DCAF6: variants seen among roughly 807,000 people sequenced by gnomAD.
DCAF6 encodes the protein DDB1- and CUL4-associated factor 6.
DCAF6 carries 54 observed loss-of-function variants against 125.1 expected under a neutral mutation model. The observed-to-expected ratio is 0.43, with a 90% CI of 0.35 to 0.54. DCAF6 has a LOEUF of 0.54. DCAF6 is among the 20% of genes least tolerant of loss of function. The probability of loss-of-function intolerance (pLI) is 0.01; values close to 1 mark genes in which losing one functional copy is unlikely to be tolerated. For synonymous variants in DCAF6, 371 were observed against 390.4 expected (o/e 0.95, Z 0.58); for missense variants, 934 against 1,161.7 (o/e 0.80, Z 2.85).
chr1:167,979,175 A>G (rs1193219789), intron 4 of DCAF6, among the ~76,000 whole-genome samples: 1 of 152,094 alleles, frequency 6.6e-6, no homozygotes, highest in Non-Finnish European at 1.5e-5. Context: ...ACCCCATATG[A>G]AGTTTTTTGT....
At chr1:168,038,516 C>A (rs866704597) in intron 13 of DCAF6, 28 bp downstream of exon 13, 1 of 1,466,878 alleles carries the variant, frequency 6.8e-7, no homozygotes, top group South Asian at 1.2e-5. Flanking sequence ...TAAAGATGTT[C>A]TTAGCCATTT....
At chr1:168,021,832 A>G (rs1391508908) in intron 11 of DCAF6, among the ~76,000 whole-genome samples, 1 of 152,204 alleles carries the variant, frequency 6.6e-6, no homozygotes, top group Non-Finnish European at 1.5e-5. Flanking sequence ...AAACTCAGCT[A>G]TCCAGCTAAG....
chr1:168,057,954 C>T (rs750296880), intron 17 of DCAF6, among the ~76,000 whole-genome samples: 1 of 152,182 alleles, frequency 6.6e-6, no homozygotes, highest in African/African-American at 2.4e-5. Context: ...ATCTGCCTAC[C>T]ACGCCAGTGG....
chr1:167,882,864 T>C, the DCAF6 span, among the ~76,000 whole-genome samples: 1 of 152,186 alleles, frequency 6.6e-6, no homozygotes, highest in Non-Finnish European at 1.5e-5. Context: ...TGTTTCAGCA[T>C]CCTCATCTAT....
chr1:168,040,082 A>G (rs1442913737), intron 13 of DCAF6, among the ~76,000 whole-genome samples: 2 of 152,072 alleles, frequency 1.3e-5, no homozygotes, highest in African/African-American at 2.4e-5. Flanking sequence ...TAGAGCAGGT[A>G]AAAGTGATTG....
rs761876903 is a variant in DCAF6 at position 167,991,313 on chromosome 1, G to A, written c.662G>A (p.Arg221Gln). The change falls in exon 6 of 22, where the codon CGG becomes CAG. Residue 221 changes from arginine (R) to glutamine (Q), a missense_variant. Around this residue, in one of 5 missense-constraint regions of DCAF6, gnomAD observed 309 missense variants for 381.2 expected, o/e 0.81. Coordinates refer to ENST00000367840, the MANE Select transcript of DCAF6 (RefSeq NM_001198956.2). ...CSDSSVRIYD[R>Q]RMLGTRATGN... ...GACAGCTCAGTACGAATATATGATC[G>A]GCGAATGCTGGGCACAAGAGCTACA... is the stretch of plus-strand genomic sequence containing the variant. 24 of 1,612,180 alleles carry A rather than the reference G, an allele frequency of 1.5e-5. No homozygotes were observed. The highest frequency in any genetic ancestry group is 2.2e-5 in the East Asian group (1 of 44,744).
At chr1:168,028,422 A>G (rs916060944) in intron 12 of DCAF6, among the ~76,000 whole-genome samples, 8 of 152,186 alleles carry the variant, frequency 5.3e-5, no homozygotes, top group African/African-American at 1.9e-4. Flanking sequence ...TCTATTCCTT[A>G]CAGTGATTCC....
In DCAF6 at chr1:168,000,029, G is replaced by A. The variant is rs553141233; in HGVS notation, c.904-2453G>A. 1.4e-4 allele frequency among the ~76,000 whole-genome samples: 21 copies of A among 152,192 alleles called. No homozygotes were observed. The South Asian group carries it at 4.4e-3, about 32-fold the overall frequency. On this transcript the variant is annotated intron_variant, in intron 7 of 21. Transcript: ENST00000367840. ...TTCTAGCTTTTGATTTAAAGTGAAA[G>A]GCATATGACTCTTCCCTTCACTTGA... is the stretch of plus-strand genomic sequence containing the variant.
Position 168,044,906 on chromosome 1 carries a change from C to T in DCAF6, c.1937C>T (p.Ser646Leu). Residue 646 changes from serine (S) to leucine (L), a missense_variant, in exon 16 of 22, where the codon TCA becomes TTA. By Grantham distance (145) the Ser-to-Leu change is moderately radical (BLOSUM62 -2). Coordinates refer to ENST00000367840, the MANE Select transcript of DCAF6 (RefSeq NM_001198956.2). ...PVENHINITQ[S>L]DKFTAKPLDS... ...CAACTTTATTTTCTGACAGCACAATCAGATAAGTTCACAGCCAAGCCATTG... is the reference window on the plus strand; with the variant it reads ...CAACTTTATTTTCTGACAGCACAATTAGATAAGTTCACAGCCAAGCCATTG... 6.2e-7 allele frequency: 1 copy of T among 1,612,726 alleles called. No homozygotes were observed. Among genetic ancestry groups the T allele is most frequent in the Non-Finnish European group, 8.5e-7 (1 of 1,179,500 alleles).
intron 17 of DCAF6, among the ~76,000 whole-genome samples, chr1:168,056,678 G>A (rs1469875550): frequency 6.6e-6 from 1 of 152,212 alleles, no homozygotes; most frequent in African/African-American, 2.4e-5. Context: ...AGAACCTGTA[G>A]CGTAATAAAG....
In DCAF6 at chr1:168,053,284, AATAC is replaced by A. The variant is rs112277977; in HGVS notation, c.2300+2358_2300+2361del. On this transcript the variant is annotated intron_variant, in intron 17 of 21. Transcript: ENST00000367840. Reference sequence around the variant, plus strand: ...ATGTAAGCACCTTTAAGGACAGTGTAATACATACATGCATACAGAAATAAAAGTT... The same window carrying A: ...ATGTAAGCACCTTTAAGGACAGTGTAATACATGCATACAGAAATAAAAGTT... Among the ~76,000 whole-genome samples, 1,207 of 152,336 alleles carry A rather than the reference AATAC, an allele frequency of 7.9e-3. 13 individuals are homozygous for A. The highest frequency in any genetic ancestry group is 0.027 in the African/African-American group (1,135 of 41,572).
intron 4 of DCAF6, among the ~76,000 whole-genome samples, chr1:167,976,001 A>G (rs1678097916): frequency 6.6e-6 from 1 of 152,092 alleles, no homozygotes; most frequent in African/African-American, 2.4e-5. Flanking sequence ...GTACTTATAT[A>G]TATAGCTAGA....
chr1:168,073,272 TCTATAATTGCCAACCA>T (rs956418218), intron 21 of DCAF6, among the ~76,000 whole-genome samples: 1 of 152,254 alleles, frequency 6.6e-6, no homozygotes, highest in African/African-American at 2.4e-5. Flanking sequence ...GACCTCCTTG[TCTATAATTGCCAACCA>T]GAGATTTGTA....
At chr1:168,021,701 C>A (rs894653894) in intron 11 of DCAF6, among the ~76,000 whole-genome samples, 5 of 151,982 alleles carry the variant, frequency 3.3e-5, no homozygotes, top group African/African-American at 9.7e-5. Flanking sequence ...ACTGGTGATA[C>A]TAGAAGATGG....
At chr1:167,890,962 G>T in the DCAF6 span, among the ~76,000 whole-genome samples, 69 of 151,954 alleles carry the variant, frequency 4.5e-4, no homozygotes, top group African/African-American at 1.4e-3. Flanking sequence ...TATTTATTTA[G>T]TTAGTTAGTT....
chr1:167,880,375 G>T, the DCAF6 span: 4 of 972,140 alleles, frequency 4.1e-6, no homozygotes, highest in African/African-American at 4.8e-5. Flanking sequence ...AACAGTTTGA[G>T]ACACAGGACT....
intron 1 of DCAF6, among the ~76,000 whole-genome samples, chr1:167,947,284 TTTATCAATTTTTTTTATCTC>T (rs1437528377): frequency 6.6e-6 from 1 of 151,992 alleles, no homozygotes; most frequent in African/African-American, 2.4e-5. Flanking sequence ...TGGAAAGTGG[TTTATCAATTTTTTTTATCTC>T]TTTGAGGAAC....
chr1:167,966,791 G>C lies in DCAF6; in HGVS notation c.252+70G>C, dbSNP rs150459061. ...TCAAGAAGGCAGAAATGAAGAAACT[G>C]TGAACAGTCATAGAATGGGCATTTA... is the stretch of plus-strand genomic sequence containing the variant. On this transcript the variant is annotated intron_variant, in intron 3 of 21. Coordinates refer to ENST00000367840, the MANE Select transcript of DCAF6 (RefSeq NM_001198956.2). 137 of 952,422 alleles carry C rather than the reference G, an allele frequency of 1.4e-4. No homozygotes were observed. The African/African-American group carries it at 2.0e-3, about 14-fold the overall frequency. The allele number at this position is 952,422 out of a possible 1,614,324, so 59.0% of individuals were successfully genotyped here.
At chr1:167,940,564 T>A (rs544542169) in intron 1 of DCAF6, among the ~76,000 whole-genome samples, 1 of 152,176 alleles carries the variant, frequency 6.6e-6, no homozygotes, top group Non-Finnish European at 1.5e-5. Context: ...GGTTTAAATG[T>A]TTAAATGTAA....
Sources: allele counts gnomAD v4.1 joint callset (sites outside exome capture counted in the v4.1 genomes callset), GRCh38; gene constraint gnomAD v4.1.1; regional missense constraint gnomAD v4.1.1; transcripts MANE v1.5; gene names NCBI Gene and HGNC (gene_info 2026-07-23, HGNC 2026-07-21).